Variants in CA8 observed in about 807,000 individuals in gnomAD.
The protein encoded by CA8 is carbonic anhydrase 8 (inactive).
In CA8, 22 loss-of-function variants were observed where a neutral mutation model predicts 41.4. The ratio of observed to expected loss-of-function variants is 0.53; its 90% CI spans 0.38 to 0.76. The LOEUF (loss-of-function observed/expected upper bound fraction) is 0.76, where lower values mean the gene tolerates loss of function less well. Among genes scored for constraint, CA8 ranks in the 30% least tolerant of loss-of-function variants. The pLI is 0.00. For synonymous variants in CA8, 121 were observed against 130.6 expected (o/e 0.93, Z 0.50); for missense variants, 270 against 352.8 (o/e 0.77, Z 1.88).
intron 3 of CA8, 79 bp from the exon 4 acceptor site, chr8:60,232,458 T>C (rs1195162092): frequency 3.1e-6 from 3 of 965,590 alleles, no homozygotes; most frequent in Non-Finnish European, 5.1e-6. Context: ...AGCCATTTCT[T>C]TACTATTTCT....
chr8:60,247,830 A>T (rs977077459), intron 3 of CA8, among the ~76,000 whole-genome samples: 2 of 152,204 alleles, frequency 1.3e-5, no homozygotes, highest in African/African-American at 4.8e-5. Context: ...GAATCGCCAC[A>T]CTGTATTCCA....
intron 8 of CA8, among the ~76,000 whole-genome samples, chr8:60,207,014 C>T (rs1806611587): frequency 6.6e-6 from 1 of 152,150 alleles, no homozygotes; most frequent in Admixed American, 6.5e-5. Context: ...CCCAGCCCAC[C>T]AAGGTGGCTG....
chr8:60,253,358 A>G (rs1397981006), intron 3 of CA8, among the ~76,000 whole-genome samples: 4 of 151,944 alleles, frequency 2.6e-5, no homozygotes, highest in Non-Finnish European at 5.9e-5. Flanking sequence ...TTTTTTTTCT[A>G]TTAAGTGTAC....
rs141813436 is a variant in CA8 at position 60,275,459 on chromosome 8, A to AT, written c.292+4229dup. 5.4e-3 allele frequency among the ~76,000 whole-genome samples: 795 copies of AT among 147,352 alleles called. 8 individuals carry two copies. The highest frequency in any genetic ancestry group is 0.017 in the African/African-American group (661 of 39,442). On this transcript the variant is annotated intron_variant, in intron 2 of 8. Transcript: ENST00000317995. ...TCATGAAATAAATACTGGATGTTGT[A>AT]TTTTTTTTAAAAAAAAAGGTTTTTA...
chr8:60,230,318 G>GGTGT (rs1465499313), intron 4 of CA8, among the ~76,000 whole-genome samples: 3 of 151,982 alleles, frequency 2.0e-5, no homozygotes, highest in African/African-American at 7.2e-5. Flanking sequence ...CCACATCAGT[G>GGTGT]ACACCCTCTC....
intron 2 of CA8, among the ~76,000 whole-genome samples, chr8:60,276,711 A>G (rs1804248111): frequency 6.6e-6 from 1 of 152,262 alleles, no homozygotes; most frequent in Admixed American, 6.5e-5. Flanking sequence ...ACTATGCAAT[A>G]TATCCAAGAA....
intron 3 of CA8, among the ~76,000 whole-genome samples, chr8:60,259,376 T>C (rs942587606): frequency 6.6e-6 from 1 of 152,224 alleles, no homozygotes; most frequent in Admixed American, 6.5e-5. Flanking sequence ...CTGCCTTCTA[T>C]CATAAAATCA....
At chr8:60,193,580 G>C (rs1172261129) in intron 8 of CA8, among the ~76,000 whole-genome samples, 1 of 152,206 alleles carries the variant, frequency 6.6e-6, no homozygotes, top group African/African-American at 2.4e-5. Context: ...AAGGAATTTG[G>C]TGGGTTGTAA....
intron 2 of CA8, among the ~76,000 whole-genome samples, chr8:60,272,135 A>C (rs1448451153): frequency 1.3e-5 from 2 of 152,188 alleles, no homozygotes; most frequent in Non-Finnish European, 2.9e-5. Context: ...GGCTCCATCC[A>C]AGCCATCTCT....
chr8:60,279,730 T>A lies in CA8; in HGVS notation c.251A>T (p.Asn84Ile). 1 of 1,614,090 alleles carries A rather than the reference T, an allele frequency of 6.2e-7. No homozygotes were observed. The highest frequency in any genetic ancestry group is 2.2e-5 in the East Asian group (1 of 44,892). ...GATAACCTGAATGGTATGTCCATCA[T>A]TGGTGACTTCACAGTCTCGGCACAC... Reference protein sequence around the residue: ...YVVCRDCEVTNDGHTIQVILK... With the variant: ...YVVCRDCEVTIDGHTIQVILK... Residue 84 changes from asparagine (N) to isoleucine (I), a missense_variant, in exon 2 of 9, where the codon AAT becomes ATT. Transcript: ENST00000317995.
At chr8:60,256,009 A>C (rs768834416) in intron 3 of CA8, among the ~76,000 whole-genome samples, 11 of 151,504 alleles carry the variant, frequency 7.3e-5, no homozygotes, top group Non-Finnish European at 1.5e-4. Flanking sequence ...CCCGGGTTCA[A>C]GCGATTCTCC....
chr8:60,245,916 C>T (rs566729946), intron 3 of CA8, among the ~76,000 whole-genome samples: 4 of 152,064 alleles, frequency 2.6e-5, no homozygotes, highest in Admixed American at 1.3e-4. Flanking sequence ...GGGTGGGGGG[C>T]GATTTTTAAA....
At chr8:60,222,120 C>T (rs1807272033) in intron 7 of CA8, among the ~76,000 whole-genome samples, 1 of 152,204 alleles carries the variant, frequency 6.6e-6, no homozygotes, top group African/African-American at 2.4e-5. Flanking sequence ...TGGATGCTCC[C>T]ACCCACCGTG....
At chr8:60,190,017 A>G (rs1051483619) in intron 8 of CA8, 32 bp from the exon 9 acceptor site, 11 of 151,622 alleles carry the variant, frequency 7.3e-5, no homozygotes, top group Admixed American at 4.6e-4. Flanking sequence ...AAATGAATCA[A>G]TTATGTTACT....
At chr8:60,253,502 C>T (rs909571257) in intron 3 of CA8, among the ~76,000 whole-genome samples, 1 of 152,172 alleles carries the variant, frequency 6.6e-6, no homozygotes, top group Non-Finnish European at 1.5e-5. Context: ...CACACCACCT[C>T]TTCTTTTGCC....
intron 7 of CA8, among the ~76,000 whole-genome samples, chr8:60,218,646 C>T (rs898223522): frequency 2.0e-5 from 3 of 152,134 alleles, no homozygotes; most frequent in African/African-American, 7.2e-5. Flanking sequence ...ATTCGAGTAT[C>T]ATAAAACATG....
chr8:60,247,760 G>A (rs1808300615), intron 3 of CA8, among the ~76,000 whole-genome samples: 1 of 152,138 alleles, frequency 6.6e-6, no homozygotes, highest in Non-Finnish European at 1.5e-5. Flanking sequence ...TATTCCTTTA[G>A]GTATATACCC....
chr8:60,280,713 T>C (rs1804385886), intron 1 of CA8, among the ~76,000 whole-genome samples: 1 of 152,268 alleles, frequency 6.6e-6, no homozygotes, highest in Non-Finnish European at 1.5e-5. Flanking sequence ...AATGTACCGC[T>C]GCTCTTCTTG....
At chr8:60,196,360 T>TA (rs1489943655) in intron 8 of CA8, among the ~76,000 whole-genome samples, 1 of 152,138 alleles carries the variant, frequency 6.6e-6, no homozygotes, top group East Asian at 1.9e-4. Flanking sequence ...TTATAACTCT[T>TA]ACTATATCCA....
Sources: allele counts gnomAD v4.1 joint callset (sites outside exome capture counted in the v4.1 genomes callset), GRCh38; gene constraint gnomAD v4.1.1; transcripts MANE v1.5; gene names NCBI Gene and HGNC (gene_info 2026-07-23, HGNC 2026-07-21).